CTNNBL1: variants seen among roughly 807,000 people sequenced by gnomAD.
CTNNBL1 encodes the protein catenin beta like 1.
CTNNBL1 carries 31 observed loss-of-function variants against 72.7 expected under a neutral mutation model. The ratio of observed to expected loss-of-function variants is 0.43; its 90% CI spans 0.32 to 0.58. The LOEUF (loss-of-function observed/expected upper bound fraction) is 0.58. Ranked by LOEUF, CTNNBL1 falls within the 20% of genes least tolerant of loss-of-function variation. CTNNBL1 has a pLI of 0.08. For missense variants in CTNNBL1, 534 were observed against 725.1 expected (o/e 0.74, Z 3.03); for synonymous variants, 240 against 267.3 (o/e 0.90, Z 1.00).
intron 11 of CTNNBL1, among the ~76,000 whole-genome samples, chr20:37,813,893 T>G (rs988207865): frequency 7.2e-5 from 11 of 152,266 alleles, no homozygotes; most frequent in African/African-American, 2.4e-4. Context: ...GGATCTGGTT[T>G]ATTAAAATTG....
At chr20:37,853,184 A>T (rs534727887) in intron 13 of CTNNBL1, among the ~76,000 whole-genome samples, 1 of 152,272 alleles carries the variant, frequency 6.6e-6, no homozygotes, top group Non-Finnish European at 1.5e-5. Context: ...CGGGCCAGCT[A>T]ACTTCCCTCT....
chr20:37,762,669 G>A (rs1043988191), intron 5 of CTNNBL1, among the ~76,000 whole-genome samples: 5 of 152,188 alleles, frequency 3.3e-5, no homozygotes, highest in African/African-American at 7.2e-5. Flanking sequence ...CAAGGGGTTA[G>A]AGGGAATAGA....
At chr20:37,813,548 T>A (rs2072029923) in intron 11 of CTNNBL1, among the ~76,000 whole-genome samples, 1 of 152,256 alleles carries the variant, frequency 6.6e-6, no homozygotes, top group African/African-American at 2.4e-5. Context: ...GAAACACTTA[T>A]CACTCCTGTT....
intron 15 of CTNNBL1, among the ~76,000 whole-genome samples, chr20:37,862,232 A>G (rs1182086737): frequency 6.6e-6 from 1 of 152,010 alleles, no homozygotes; most frequent in Non-Finnish European, 1.5e-5. Flanking sequence ...CCTCCTCCCT[A>G]AGGTGTAGCT....
chr20:37,833,953 G>A (rs2072233450), intron 11 of CTNNBL1, among the ~76,000 whole-genome samples: 1 of 152,190 alleles, frequency 6.6e-6, no homozygotes, highest in African/African-American at 2.4e-5. Flanking sequence ...GGCACCAGTA[G>A]CCTATGGCGT....
intron 13 of CTNNBL1, among the ~76,000 whole-genome samples, chr20:37,846,072 G>A (rs1371455907): frequency 6.6e-6 from 1 of 152,156 alleles, no homozygotes; most frequent in East Asian, 1.9e-4. Context: ...GCACCAGCTG[G>A]GGGTGAGAAG....
At chr20:37,815,613 T>C (rs976797024) in intron 11 of CTNNBL1, among the ~76,000 whole-genome samples, 1 of 152,160 alleles carries the variant, frequency 6.6e-6, no homozygotes, top group African/African-American at 2.4e-5. Flanking sequence ...CCACCATGCC[T>C]GGCCCACATT....
intron 7 of CTNNBL1, among the ~76,000 whole-genome samples, chr20:37,771,354 G>A (rs1229059797): frequency 1.3e-5 from 2 of 152,162 alleles, no homozygotes; most frequent in African/African-American, 4.8e-5. Context: ...AGATCCACTT[G>A]TCTCAGGAAA....
At position 37,733,014 on chromosome 20, in the gene CTNNBL1, A is replaced by G. The variant is rs1568755826; in HGVS notation, c.166A>G (p.Lys56Glu). ...TGTGGTGGAGGAAGCGGATGATGAC[A>G]AAAAAAGGCTGCTGCAGATTATTGA... The part of the protein sequence containing the change: ...MTVVEEADDD[K>E]KRLLQIIDRD... The change falls in exon 2 of 16, where the codon AAA becomes GAA. Residue 56 changes from lysine to glutamate, a missense_variant. Transcript: ENST00000361383. The G allele has an allele frequency of 6.2e-7, 1 of 1,612,758 alleles. No individual in the cohort carries two copies. The highest frequency in any genetic ancestry group is 8.5e-7 in the Non-Finnish European group (1 of 1,179,372).
intron 5 of CTNNBL1, among the ~76,000 whole-genome samples, chr20:37,761,026 C>T (rs1453955747): frequency 6.7e-6 from 1 of 149,310 alleles, no homozygotes; most frequent in Non-Finnish European, 1.5e-5. Flanking sequence ...AATGATAATA[C>T]AAGGCAGAAC....
At chr20:37,796,949 A>G (rs6067647) in intron 10 of CTNNBL1, among the ~76,000 whole-genome samples, 81,681 of 151,558 alleles carry the variant, frequency 0.54, 23,651 homozygotes, top group East Asian at 0.83. Flanking sequence ...CCAAGTGTGA[A>G]GTCTGTGGCG....
intron 7 of CTNNBL1, among the ~76,000 whole-genome samples, chr20:37,772,742 A>G (rs1442264401): frequency 1.3e-5 from 2 of 152,232 alleles, no homozygotes; most frequent in African/African-American, 4.8e-5. Context: ...ATTGCTTGAT[A>G]AAACCTTACG....
At chr20:37,821,212 T>C (rs2072104337) in intron 11 of CTNNBL1, among the ~76,000 whole-genome samples, 1 of 152,208 alleles carries the variant, frequency 6.6e-6, no homozygotes, top group African/African-American at 2.4e-5. Flanking sequence ...TGATTTTCCA[T>C]TTCTGTTCTG....
At chr20:37,738,678 A>C (rs1233139968) in intron 3 of CTNNBL1, among the ~76,000 whole-genome samples, 1 of 152,226 alleles carries the variant, frequency 6.6e-6, no homozygotes, top group East Asian at 1.9e-4. Context: ...GGAAACAGAC[A>C]CTTTAAAAGA....
chr20:37,730,333 G>A (rs1280943207), intron 1 of CTNNBL1, among the ~76,000 whole-genome samples: 1 of 152,184 alleles, frequency 6.6e-6, no homozygotes, highest in Non-Finnish European at 1.5e-5. Flanking sequence ...TCTCATTGAA[G>A]AATCTAACAC....
chr20:37,785,702 G>A (rs527566285), intron 10 of CTNNBL1, among the ~76,000 whole-genome samples: 123 of 152,254 alleles, frequency 8.1e-4, no homozygotes, highest in African/African-American at 2.9e-3. Context: ...TTTTTTATCT[G>A]AAAGCTCACA....
chr20:37,860,189 G>A, intron 14 of CTNNBL1, 83 bp from the exon 15 acceptor site: 1 of 1,471,266 alleles, frequency 6.8e-7, no homozygotes, highest in South Asian at 1.1e-5. Flanking sequence ...ATGGGGTGAA[G>A]TATATCATTT....
At chr20:37,810,295 C>T (rs937201855) in intron 11 of CTNNBL1, among the ~76,000 whole-genome samples, 2 of 152,270 alleles carry the variant, frequency 1.3e-5, no homozygotes, top group South Asian at 2.1e-4. Flanking sequence ...GGGAAGAGAT[C>T]GTGTGCAGAG....
chr20:37,737,340 T>C lies in CTNNBL1; in HGVS notation c.220-38T>C, dbSNP rs372114272. 1.3e-5 allele frequency: 18 copies of C among 1,430,442 alleles called. No individual in the cohort carries two copies. The African/African-American group carries it at 1.8e-4, about 15-fold the overall frequency. 88.6% of individuals were successfully genotyped at this position (1,430,442 alleles called of 1,614,324 possible). A position where few individuals can be genotyped will look rare whatever the true frequency, so the allele number is the denominator to read the frequency against. On this transcript the variant is annotated intron_variant, in intron 2 of 15. Transcript: ENST00000361383. ...GTAGTGACAATGAATGTGAAACCCC[T>C]GTGGACTGAAGTTTTTGCATTTGTC...
Sources: gnomAD v4.1 joint callset for allele counts (sites outside exome capture counted in the v4.1 genomes callset) on GRCh38, gnomAD v4.1.1 for gene constraint, MANE v1.5 for transcripts, NCBI Gene and HGNC (gene_info 2026-07-23, HGNC 2026-07-21) for gene names.